NLRP5: variants seen among roughly 807,000 people sequenced by gnomAD.
NLRP5 encodes NACHT, LRR and PYD domains-containing protein 5.
A neutral mutation model predicts 113.1 loss-of-function variants in NLRP5; 93 were observed. The observed-to-expected ratio is 0.82, with a 90% CI of 0.70 to 0.98. The LOEUF (loss-of-function observed/expected upper bound fraction) is 0.98. Ranked by LOEUF, NLRP5 falls within the 50% of genes least tolerant of loss-of-function variation. The probability of loss-of-function intolerance (pLI) is 0.00; values close to 1 mark genes in which losing one functional copy is unlikely to be tolerated. For missense variants in NLRP5, 1,808 were observed against 1,514.3 expected, an observed-to-expected ratio of 1.19 and a Z score of -3.22; for synonymous variants, 751 against 600.7, an observed-to-expected ratio of 1.25 and a Z score of -3.66.
At chr19:56,000,579 T>C (rs1981606502) in intron 1 of NLRP5, among the ~76,000 whole-genome samples, 1 of 151,770 alleles carries the variant, frequency 6.6e-6, no homozygotes, top group Non-Finnish European at 1.5e-5. Context: ...TTAGCCAGGA[T>C]GGTCTCGATC....
chr19:56,024,356 AGAAC>A (rs1599889237), intron 6 of NLRP5, among the ~76,000 whole-genome samples: 1 of 141,826 alleles, frequency 7.1e-6, no homozygotes, highest in East Asian at 2.0e-4. Context: ...AAAAAAAAAA[AGAAC>A]AAATATATAT....
chr19:55,994,174 T>C, the NLRP5 span, among the ~76,000 whole-genome samples: 9 of 152,158 alleles, frequency 5.9e-5, no homozygotes, highest in Non-Finnish European at 1.2e-4. Context: ...TAGAGGGAAA[T>C]GCAAATCAAA....
chr19:56,023,690 G>A (rs1982705648), intron 6 of NLRP5, among the ~76,000 whole-genome samples: 1 of 152,170 alleles, frequency 6.6e-6, no homozygotes, highest in Non-Finnish European at 1.5e-5. Context: ...TAAACTACAT[G>A]GGAGGATGTG....
At position 56,061,314 on chromosome 19, in the gene NLRP5, G is replaced by A. The variant is rs1403482384; in HGVS notation, c.3471-82G>A. 5 of 1,502,916 alleles carry A rather than the reference G, an allele frequency of 3.3e-6. No individual in the cohort carries two copies. In the East Asian group the frequency reaches 1.1e-4, roughly 34 times the overall value. The allele number at this position is 1,502,916 out of a possible 1,614,324, so 93.1% of individuals were successfully genotyped here. ...GTACAAGAAAAGGTTTGAGATCCTT[G>A]ATGAGGCTACCAGGAATTTTGAAGA... is the stretch of plus-strand genomic sequence containing the variant. On this transcript the variant is annotated intron_variant, in intron 14 of 14. Coordinates refer to ENST00000390649, the MANE Select transcript of NLRP5 (RefSeq NM_153447.4).
intron 6 of NLRP5, among the ~76,000 whole-genome samples, chr19:56,024,822 C>G (rs952699881): frequency 6.6e-6 from 1 of 152,010 alleles, no homozygotes; most frequent in Non-Finnish European, 1.5e-5. Context: ...CATACAGATG[C>G]TCTACAGCAG....
intron 7 of NLRP5, among the ~76,000 whole-genome samples, chr19:56,031,009 G>T (rs890319788): frequency 4.0e-5 from 6 of 151,858 alleles, no homozygotes; most frequent in Non-Finnish European, 7.4e-5. Flanking sequence ...ACTGCGCCCG[G>T]CCTCTATTTT....
At chr19:56,020,197 CA>C (rs1181234083) in intron 5 of NLRP5, among the ~76,000 whole-genome samples, 177 bp from the exon 6 acceptor site, 1 of 151,974 alleles carries the variant, frequency 6.6e-6, no homozygotes, top group African/African-American at 2.4e-5. Flanking sequence ...CCCTCACCCT[CA>C]AGCTTTGAAT....
At chr19:55,990,079 C>CTTTTCTTTTTTTTTTTT in the NLRP5 span, among the ~76,000 whole-genome samples, 1 of 95,958 alleles carries the variant, frequency 1.0e-5, no homozygotes, top group African/African-American at 4.0e-5. Flanking sequence ...TTTCTTTTTT[C>CTTTTCTTTTTTTTTTTT]TTTTTTTTTT....
chr19:56,059,620 C>T lies in NLRP5; in HGVS notation c.3470+1210C>T, dbSNP rs142199703. Reference sequence around the variant, plus strand: ...TGCAATCTTAGCTCACTGCAACCTCCGTCTCGCAGGTTCAAGCAATTCTGC... The same window carrying T: ...TGCAATCTTAGCTCACTGCAACCTCTGTCTCGCAGGTTCAAGCAATTCTGC... On this transcript the variant is annotated intron_variant, in intron 14 of 14. Coordinates refer to ENST00000390649, the MANE Select transcript of NLRP5 (RefSeq NM_153447.4). Among the ~76,000 whole-genome samples, 589 of 152,280 alleles carry T rather than the reference C, an allele frequency of 3.9e-3. 5 individuals carry two copies. Among genetic ancestry groups the T allele is most frequent in the Middle Eastern group, 0.02 (6 of 294 alleles).
At chr19:56,058,793 A>T (rs567535751) in intron 14 of NLRP5, among the ~76,000 whole-genome samples, 1 of 152,360 alleles carries the variant, frequency 6.6e-6, no homozygotes, top group South Asian at 2.1e-4. Flanking sequence ...GGCATAATGC[A>T]CAATAATAGC....
upstream of NLRP5, among the ~76,000 whole-genome samples, chr19:55,998,329 C>A (rs417952): frequency 0.067 from 10,188 of 152,040 alleles, 452 homozygotes; most frequent in Middle Eastern, 0.14. Flanking sequence ...CACACTCCAG[C>A]CTGAGGGACA....
intron 3 of NLRP5, among the ~76,000 whole-genome samples, chr19:56,009,651 G>C (rs767779564): frequency 8.5e-5 from 13 of 152,260 alleles, no homozygotes; most frequent in Middle Eastern, 3.4e-3. Context: ...AAACTAAGAT[G>C]ACACAAGGGA....
At chr19:56,003,350 C>G (rs1172597792) in intron 1 of NLRP5, among the ~76,000 whole-genome samples, 1 of 152,182 alleles carries the variant, frequency 6.6e-6, no homozygotes, top group East Asian at 1.9e-4. Flanking sequence ...GATGGAGTTT[C>G]ACCATGTTGG....
chr19:56,058,780 A>G (rs906332207), intron 14 of NLRP5, among the ~76,000 whole-genome samples: 41 of 152,248 alleles, frequency 2.7e-4, no homozygotes, highest in African/African-American at 9.9e-4. Flanking sequence ...CCATGTTCAT[A>G]GTGGCATAAT....
At chr19:56,008,054 G>C in intron 2 of NLRP5, among the ~76,000 whole-genome samples, 1 of 135,834 alleles carries the variant, frequency 7.4e-6, no homozygotes, top group Non-Finnish European at 1.6e-5. Flanking sequence ...TCAGCCTCCC[G>C]AGTAGCTGGG....
At chr19:56,004,177 C>T in intron 2 of NLRP5, 82 bp downstream of exon 2, 4 of 1,411,902 alleles carry the variant, frequency 2.8e-6, no homozygotes, top group Admixed American at 4.4e-5. Flanking sequence ...AATCGTTGTT[C>T]AGTAACCGGC....
chr19:55,993,158 T>C, the NLRP5 span, among the ~76,000 whole-genome samples: 1 of 151,896 alleles, frequency 6.6e-6, no homozygotes, highest in African/African-American at 2.4e-5. Context: ...CCGAGTGATA[T>C]TTTGATACCT....
intron 2 of NLRP5, 134 bp from the exon 3 acceptor site, chr19:56,008,654 T>G (rs1049668131): frequency 2.7e-6 from 2 of 748,884 alleles, no homozygotes; most frequent in Non-Finnish European, 4.6e-6. Context: ...TATAGGCCAA[T>G]CATGGAATAA....
chr19:55,987,446 T>C, the NLRP5 span, among the ~76,000 whole-genome samples: 1 of 152,200 alleles, frequency 6.6e-6, no homozygotes, highest in African/African-American at 2.4e-5. Context: ...CTGCATTTGG[T>C]AGGAGTCCAG....
Sources: allele counts gnomAD v4.1 joint callset (sites outside exome capture counted in the v4.1 genomes callset), GRCh38; gene constraint gnomAD v4.1.1; transcripts MANE v1.5; gene names NCBI Gene and HGNC (gene_info 2026-07-23, HGNC 2026-07-21).